The following ATF6 variants were observed in gnomAD, a reference collection of about 807,000 sequenced individuals.
ATF6 encodes the protein activating transcription factor 6, also known as cyclic AMP-dependent transcription factor ATF-6 alpha.
Under a neutral mutation model 83.6 loss-of-function variants are expected in ATF6, and 53 were observed. That is an observed-to-expected ratio of 0.63 (90% CI 0.51 to 0.80). The LOEUF (loss-of-function observed/expected upper bound fraction) is 0.80. Ranked by LOEUF, ATF6 falls within the 30% of genes least tolerant of loss-of-function variation. The probability of loss-of-function intolerance (pLI) is 0.00; values close to 1 mark genes in which losing one functional copy is unlikely to be tolerated. For synonymous variants in ATF6, 288 were observed against 285.8 expected (o/e 1.01, Z -0.08); for missense variants, 744 against 797.9 (o/e 0.93, Z 0.81).
intron 6 of ATF6, among the ~76,000 whole-genome samples, chr1:161,798,704 C>T: frequency 6.6e-6 from 1 of 152,142 alleles, no homozygotes; most frequent in East Asian, 1.9e-4. Context: ...TATTTGCAAA[C>T]AGTGTATCCA....
At chr1:161,853,475 C>T in intron 12 of ATF6, 152 bp downstream of exon 12, 1 of 666,314 alleles carries the variant, frequency 1.5e-6, no homozygotes, top group Non-Finnish European at 2.7e-6. Context: ...ATCATTGCCA[C>T]TGAAGTCCTC....
At chr1:161,767,769 G>T (rs1304110564) in intron 1 of ATF6, among the ~76,000 whole-genome samples, 1 of 152,128 alleles carries the variant, frequency 6.6e-6, no homozygotes. Context: ...AAGATCCCTG[G>T]TTATTAATAA....
At chr1:161,884,517 G>T (rs1687380673) in intron 14 of ATF6, among the ~76,000 whole-genome samples, 1 of 148,992 alleles carries the variant, frequency 6.7e-6, no homozygotes. Context: ...TACTTTTATA[G>T]TTTTTTTTTT....
chr1:161,795,286 A>G (rs891470734), intron 6 of ATF6, among the ~76,000 whole-genome samples: 16 of 152,228 alleles, frequency 1.1e-4, no homozygotes, highest in African/African-American at 3.6e-4. Context: ...CTATTATTAT[A>G]TAGAAAAGGA....
chr1:161,816,194 T>G (rs527372358), intron 7 of ATF6, among the ~76,000 whole-genome samples: 17 of 152,346 alleles, frequency 1.1e-4, no homozygotes, highest in Admixed American at 3.3e-4. Flanking sequence ...GCAAGATGCC[T>G]GGTGGGAGAG....
At chr1:161,907,550 C>T (rs1043365734) in intron 14 of ATF6, among the ~76,000 whole-genome samples, 2 of 152,152 alleles carry the variant, frequency 1.3e-5, no homozygotes, top group Non-Finnish European at 2.9e-5. Context: ...GCCTGAGTTT[C>T]ATTCATTTCT....
intron 9 of ATF6, among the ~76,000 whole-genome samples, chr1:161,838,826 G>T (rs556703909): frequency 7.0e-4 from 107 of 152,242 alleles, no homozygotes; most frequent in Non-Finnish European, 1.4e-3. Flanking sequence ...TATTTAGAGG[G>T]TTCTTTTATC....
At chr1:161,767,995 A>G (rs1471605039) in intron 1 of ATF6, among the ~76,000 whole-genome samples, 1 of 152,176 alleles carries the variant, frequency 6.6e-6, no homozygotes, top group African/African-American at 2.4e-5. Context: ...AGCTGGGATT[A>G]CAGGCATGCA....
chr1:161,851,938 T>C (rs1686641346), intron 11 of ATF6, 103 bp downstream of exon 11: 1 of 808,634 alleles, frequency 1.2e-6, no homozygotes, highest in South Asian at 1.7e-5. Context: ...ACTGAGAGAA[T>C]CTCTGAATTA....
intron 3 of ATF6, among the ~76,000 whole-genome samples, 184 bp downstream of exon 3, chr1:161,782,183 G>C (rs1213331865): frequency 6.6e-6 from 1 of 152,164 alleles, no homozygotes; most frequent in African/African-American, 2.4e-5. Flanking sequence ...TGGATATGAG[G>C]AGTTTCATAG....
chr1:161,787,688 G>T (rs1684775264), intron 4 of ATF6, among the ~76,000 whole-genome samples: 2 of 152,062 alleles, frequency 1.3e-5, no homozygotes, highest in Non-Finnish European at 2.9e-5. Flanking sequence ...TTTATCATGA[G>T]ATATTATTTT....
chr1:161,940,062 CA>C (rs1183284354), intron 15 of ATF6, among the ~76,000 whole-genome samples: 3 of 152,176 alleles, frequency 2.0e-5, no homozygotes, highest in Non-Finnish European at 4.4e-5. Context: ...CCTGCCTGTT[CA>C]AAATTGAACT....
intron 14 of ATF6, among the ~76,000 whole-genome samples, chr1:161,900,514 A>G (rs1687761808): frequency 6.6e-6 from 1 of 152,168 alleles, no homozygotes; most frequent in African/African-American, 2.4e-5. Flanking sequence ...TTTAAACTCT[A>G]CATCATTATA....
chr1:161,933,435 A>G (rs1375519822), intron 15 of ATF6, among the ~76,000 whole-genome samples: 1 of 152,260 alleles, frequency 6.6e-6, no homozygotes, highest in East Asian at 1.9e-4. Flanking sequence ...AGACACAATT[A>G]GAATAGAAAA....
chr1:161,900,881 AT>A (rs1211747864), intron 14 of ATF6, among the ~76,000 whole-genome samples: 8 of 152,268 alleles, frequency 5.3e-5, no homozygotes, highest in East Asian at 1.9e-4. Flanking sequence ...GAAAACTTTG[AT>A]TAAAAAAAGT....
intron 1 of ATF6, 68 bp from the exon 2 acceptor site, chr1:161,778,176 A>G: frequency 7.7e-7 from 1 of 1,298,026 alleles, no homozygotes; most frequent in South Asian, 1.2e-5. Flanking sequence ...ACATAGGGAC[A>G]CAGTGCTTGT....
intron 12 of ATF6, among the ~76,000 whole-genome samples, chr1:161,854,383 A>T (rs1416048812): frequency 1.3e-5 from 2 of 152,182 alleles, no homozygotes; most frequent in African/African-American, 4.8e-5. Context: ...AGTTTGGTGG[A>T]TTGTGCAAAA....
At chr1:161,798,454 A>T (rs1202964984) in intron 6 of ATF6, among the ~76,000 whole-genome samples, 1 of 152,170 alleles carries the variant, frequency 6.6e-6, no homozygotes, top group African/African-American at 2.4e-5. Flanking sequence ...TCTACTAAAA[A>T]TACATAAATT....
intron 7 of ATF6, among the ~76,000 whole-genome samples, chr1:161,809,918 A>G (rs1685413168): frequency 6.6e-6 from 1 of 152,226 alleles, no homozygotes; most frequent in South Asian, 2.1e-4. Context: ...AGTTCTTTGT[A>G]GATTCTGGAT....
Sources: allele counts gnomAD v4.1 joint callset (sites outside exome capture counted in the v4.1 genomes callset), GRCh38; gene constraint gnomAD v4.1.1; transcripts MANE v1.5; gene names NCBI Gene and HGNC (gene_info 2026-07-23, HGNC 2026-07-21).